DNAH9: variants seen among roughly 807,000 people sequenced by gnomAD.
The protein encoded by DNAH9 is dynein axonemal heavy chain 9.
In DNAH9, 345 loss-of-function variants were observed where a neutral mutation model predicts 471.6. That is an observed-to-expected ratio of 0.73 (90% CI 0.67 to 0.80). The LOEUF (loss-of-function observed/expected upper bound fraction) is 0.80. Ranked by LOEUF, DNAH9 falls within the 30% of genes least tolerant of loss-of-function variation. The pLI is 0.00. For missense variants in DNAH9, 5,407 were observed against 5,609.2 expected (o/e 0.96, Z 1.15); for synonymous variants, 2,093 against 2,123.6 (o/e 0.99, Z 0.40).
At chr17:11,906,057 T>C (rs2058038) in intron 61 of DNAH9, among the ~76,000 whole-genome samples, 117,683 of 152,004 alleles carry the variant, frequency 0.77, 47,331 homozygotes, top group Non-Finnish European at 0.89. Context: ...CCCTCCACTC[T>C]GCCTCACCCA....
intron 67 of DNAH9, among the ~76,000 whole-genome samples, chr17:11,960,174 G>A (rs796677710): frequency 3.3e-5 from 5 of 152,284 alleles, no homozygotes; most frequent in East Asian, 3.9e-4. Flanking sequence ...AGTGGCTCAC[G>A]CCTGTAATCC....
At chr17:11,744,073 C>T (rs2150838792) in intron 30 of DNAH9, among the ~76,000 whole-genome samples, 1 of 152,272 alleles carries the variant, frequency 6.6e-6, no homozygotes, top group Non-Finnish European at 1.5e-5. Flanking sequence ...TGTGATCCAC[C>T]TGCCTCGGCC....
In DNAH9 at chr17:11,871,498, C is replaced by T. The variant is rs192161859; in HGVS notation, c.10054-100C>T. ...ATATAAGTGATATTCTGCCTCTTCC[C>T]GCTATGAAGCGTGCAGCGGGCGCTC... On this transcript the variant is annotated intron_variant, in intron 51 of 68. Coordinates refer to ENST00000262442, the MANE Select transcript of DNAH9 (RefSeq NM_001372.4). The T allele has an allele frequency of 3.2e-4, 335 of 1,060,068 alleles. No homozygotes were observed. The East Asian group carries it at 6.0e-3, about 19-fold the overall frequency. 65.7% of individuals were successfully genotyped at this position (1,060,068 alleles called of 1,614,324 possible). A position where few individuals can be genotyped will look rare whatever the true frequency, so the allele number is the denominator to read the frequency against.
chr17:11,762,758 G>GTTTT (rs111963634), intron 35 of DNAH9, among the ~76,000 whole-genome samples: 6,341 of 94,076 alleles, frequency 0.067, 503 homozygotes, highest in Non-Finnish European at 0.099. Context: ...CTTTAGGTGC[G>GTTTT]TTTTTTTTTT....
In DNAH9 at chr17:11,961,866, G is replaced by A. The variant is rs574538366; in HGVS notation, c.12844-1G>A. ...TTCCCCCTCCCATTCTTTATCTTCAGGGGGAGCTGACTATGACCAGCCACA... is the reference window on the plus strand; with the variant it reads ...TTCCCCCTCCCATTCTTTATCTTCAAGGGGAGCTGACTATGACCAGCCACA... On this transcript the variant is annotated splice_acceptor_variant, in intron 67 of 68. Coordinates refer to ENST00000262442, the MANE Select transcript of DNAH9 (RefSeq NM_001372.4). LOFTEE classifies it high-confidence loss of function. 2.5e-6 allele frequency: 4 copies of A among 1,596,588 alleles called. No homozygotes were observed. The African/African-American group carries it at 5.4e-5, about 21-fold the overall frequency.
chr17:11,705,968 T>C (rs974715688), intron 26 of DNAH9, among the ~76,000 whole-genome samples: 1 of 152,198 alleles, frequency 6.6e-6, no homozygotes, highest in Non-Finnish European at 1.5e-5. Context: ...TGGAATGTTA[T>C]ACTGCACAAA....
At chr17:11,716,557 A>G (rs1288430502) in intron 26 of DNAH9, among the ~76,000 whole-genome samples, 3 of 152,172 alleles carry the variant, frequency 2.0e-5, no homozygotes, top group East Asian at 1.9e-4. Context: ...GGGGAAGACA[A>G]TGATATTTTG....
intron 41 of DNAH9, among the ~76,000 whole-genome samples, chr17:11,790,343 C>A (rs2092629147): frequency 6.6e-6 from 1 of 151,878 alleles, no homozygotes; most frequent in African/African-American, 2.4e-5. Flanking sequence ...TATTTTGAAA[C>A]TGTGTTATTT....
intron 59 of DNAH9, 64 bp from the exon 60 acceptor site, chr17:11,902,655 C>T: frequency 6.8e-7 from 1 of 1,480,318 alleles, no homozygotes; most frequent in Non-Finnish European, 9.3e-7. Flanking sequence ...CCTCAATCCC[C>T]CAACACAATG....
chr17:11,606,240 C>G (rs531103477), intron 1 of DNAH9, among the ~76,000 whole-genome samples: 3 of 152,210 alleles, frequency 2.0e-5, no homozygotes, highest in African/African-American at 7.2e-5. Context: ...TATTCTATTT[C>G]ACGGCCACTG....
At chr17:11,781,609 G>A (rs1968667871) in intron 39 of DNAH9, among the ~76,000 whole-genome samples, 1 of 152,002 alleles carries the variant, frequency 6.6e-6, no homozygotes, top group African/African-American at 2.4e-5. Context: ...TAAGGCGGGT[G>A]GATCACAAGG....
At chr17:11,708,022 G>C (rs944436763) in intron 26 of DNAH9, among the ~76,000 whole-genome samples, 77 of 117,908 alleles carry the variant, frequency 6.5e-4, no homozygotes, top group African/African-American at 2.3e-3. Context: ...CACAGAGAGA[G>C]AGAGAGAGAG....
intron 68 of DNAH9, among the ~76,000 whole-genome samples, chr17:11,964,703 C>T (rs984825494): frequency 6.6e-6 from 1 of 152,122 alleles, no homozygotes; most frequent in African/African-American, 2.4e-5. Context: ...CAGTCTATGG[C>T]CTTTTAACTT....
intron 55 of DNAH9, 81 bp from the exon 56 acceptor site, chr17:11,883,505 C>T: frequency 1.3e-6 from 2 of 1,518,412 alleles, no homozygotes; most frequent in African/African-American, 1.4e-5. Flanking sequence ...AGGCAAGGGA[C>T]TCTCGCCCTA....
chr17:11,789,668 CTG>C (rs1968997425), intron 41 of DNAH9, among the ~76,000 whole-genome samples: 1 of 151,838 alleles, frequency 6.6e-6, no homozygotes, highest in African/African-American at 2.4e-5. Context: ...AATTTGATAT[CTG>C]TTTTATATAT....
chr17:11,793,677 C>A lies in DNAH9; in HGVS notation c.8223+13C>A. 1.3e-6 allele frequency: 2 copies of A among 1,567,220 alleles called. No homozygotes were observed. Among genetic ancestry groups the A allele is most frequent in the East Asian group, 2.2e-5 (1 of 44,486 alleles). On this transcript the variant is annotated intron_variant, in intron 42 of 68. Transcript: ENST00000262442. Reference sequence around the variant, plus strand: ...GAAAACTTTTGATGTGAGTATTGCCCTATGGATTTTCTTTGTATTTGAAAA... The same window carrying A: ...GAAAACTTTTGATGTGAGTATTGCCATATGGATTTTCTTTGTATTTGAAAA...
At chr17:11,883,121 T>C in intron 55 of DNAH9, 1 of 989,450 alleles carries the variant, frequency 1.0e-6, no homozygotes, top group Non-Finnish European at 1.2e-6. Context: ...CAGTCTGCCA[T>C]GGTTTTACAC....
chr17:11,675,499 C>T (rs1048225006), intron 17 of DNAH9, among the ~76,000 whole-genome samples: 8 of 152,142 alleles, frequency 5.3e-5, no homozygotes, highest in Non-Finnish European at 7.4e-5. Context: ...GGATAACATA[C>T]GTCTTTGTCT....
intron 38 of DNAH9, among the ~76,000 whole-genome samples, chr17:11,772,793 T>C (rs575991140): frequency 6.6e-6 from 1 of 152,306 alleles, no homozygotes; most frequent in East Asian, 1.9e-4. Flanking sequence ...TAACCTCTCC[T>C]GTCCAGAGGC....
Sources: allele counts gnomAD v4.1 joint callset (sites outside exome capture counted in the v4.1 genomes callset), GRCh38; gene constraint gnomAD v4.1.1; transcripts MANE v1.5; gene names NCBI Gene and HGNC (gene_info 2026-07-23, HGNC 2026-07-21).